POLE: variants seen among roughly 807,000 people sequenced by gnomAD.
POLE encodes DNA polymerase epsilon catalytic subunit A.
POLE carries 188 observed loss-of-function variants against 279.2 expected under a neutral mutation model. That is an observed-to-expected ratio of 0.67 (90% confidence interval 0.60 to 0.76). The LOEUF is 0.76. POLE is among the 30% of genes least tolerant of loss of function. The pLI is 0.00. For missense variants in POLE, 2,703 were observed against 3,016.7 expected, an observed-to-expected ratio of 0.90 and a Z score of 2.44; for synonymous variants, 1,214 against 1,172.5, an observed-to-expected ratio of 1.04 and a Z score of -0.72.
Position 132,643,228 on chromosome 12 carries a change from T to C in POLE, c.4547A>G (p.Asp1516Gly), listed in dbSNP as rs1392919520. 3.1e-6 allele frequency: 5 copies of C among 1,613,168 alleles called. No homozygotes were observed. In the East Asian group the frequency reaches 1.1e-4, roughly 36 times the overall value. The change falls in exon 35 of 49, where the codon GAC becomes GGC. Residue 1516 changes from aspartate to glycine, a missense_variant. Transcript: ENST00000320574. ...CATGGAGGGCCCAGGACTCACAGTG[T>C]CCAGCACAAAGACGGATGCCCTGCG... ...SQRRASVFVL[D>G]TVRSNQMPSL...
rs1057523897 is a variant in POLE at position 132,642,313 on chromosome 12, G to A, written c.5037C>T (p.Arg1679=). ...SDLFFARHLQ[R]HNHLLWLSPT... is the part of the protein sequence containing the mutation. ...GGGACAGCCAGAGCAGGTGGTTGTG[G>A]CGCTGGAGGTGGCGGGCAAAGAAGA... Residue 1679 remains arginine (R), a synonymous_variant, in exon 38 of 49, where the codon CGC becomes CGT. Coordinates refer to ENST00000320574, the MANE Select transcript of POLE (RefSeq NM_006231.4). 2 of 1,600,688 alleles carry A rather than the reference G, an allele frequency of 1.2e-6. No homozygotes were observed. Among genetic ancestry groups the A allele is most frequent in the Admixed American group, 1.7e-5 (1 of 57,782 alleles).
In POLE at chr12:132,664,120, T is replaced by C. The variant is rs753146351; in HGVS notation, c.2590A>G (p.Ile864Val). ...AAGCTGTTGGGCAGGACGCACCATA[T>C]ACCATCTGTGTCCAGCTCTAAGGGC... is the stretch of plus-strand genomic sequence containing the variant. ...GRPLELDTDGIWCVLPNSFPE... is the reference protein window; with the variant it reads ...GRPLELDTDGVWCVLPNSFPE... The change falls in exon 23 of 49, where the codon ATA (isoleucine) becomes GTA (valine). Residue 864 changes from isoleucine to valine, a missense_variant. Coordinates refer to ENST00000320574, the MANE Select transcript of POLE (RefSeq NM_006231.4). This position sits in a 1 kb window ranked among gnomAD's most constrained non-coding sequence, Gnocchi z 5.3. 1 of 1,614,224 alleles carries C rather than the reference T, an allele frequency of 6.2e-7. No individual in the cohort carries two copies. The highest frequency in any genetic ancestry group is 8.5e-7 in the Non-Finnish European group (1 of 1,180,034).
chr12:132,627,855 T>C (rs2041866237), intron 45 of POLE, among the ~76,000 whole-genome samples: 1 of 152,156 alleles, frequency 6.6e-6, no homozygotes. Flanking sequence ...ACAATGAAGT[T>C]TGCTGCATCA....
intron 35 of POLE, 25 bp from the exon 36 acceptor site, chr12:132,643,021 C>G (rs1486483560): frequency 2.2e-5 from 34 of 1,568,164 alleles, no homozygotes; most frequent in Non-Finnish European, 2.5e-5. Context: ...GCCACGTCAG[C>G]CTCCCCCTGC....
In POLE at chr12:132,687,267, CATCCGCGCCTGG is replaced by C; in HGVS notation, c.37_48del (p.Pro13_Asp16del). 6.7e-7 allele frequency: 1 copy of C among 1,501,536 alleles called. No homozygotes were observed. The highest frequency in any genetic ancestry group is 2.1e-5 in the Admixed American group (1 of 48,016). The allele number at this position is 1,501,536 out of a possible 1,614,324, so 93.0% of individuals were successfully genotyped here. ...GGCGCCCCTCACCTGCTGGCCTCGC[CATCCGCGCCTGG>C]GTCCGCGCGCCGCCGCCCGCCGCTC... On this transcript the variant is annotated inframe_deletion, in exon 1 of 49. Coordinates refer to ENST00000320574, the MANE Select transcript of POLE (RefSeq NM_006231.4).
rs2135995568 is a variant in POLE, at chr12:132,673,159, C to T, written c.1473+5G>A. 1 of 1,578,856 alleles carries T rather than the reference C, an allele frequency of 6.3e-7. No individual in the cohort carries two copies. Among genetic ancestry groups the T allele is most frequent in the Non-Finnish European group, 8.7e-7 (1 of 1,147,832 alleles). ...CAGGGTGCCGACAGGACAGATAATG[C>T]TCACCTCGTCGGGCTCCATGGGAAT... On this transcript the variant is annotated splice_donor_5th_base_variant and intron_variant, in intron 14 of 48. Transcript: ENST00000320574.
At chr12:132,667,989 GGGA>G (rs2135972837) in intron 19 of POLE, among the ~76,000 whole-genome samples, 1 of 152,214 alleles carries the variant, frequency 6.6e-6, no homozygotes, top group South Asian at 2.1e-4. Flanking sequence ...AGGCTGAGAT[GGGA>G]GGATTGCCGG....
chr12:132,638,060 G>T lies in POLE; in HGVS notation c.5632C>A (p.Arg1878Ser), dbSNP rs199979862. Residue 1878 changes from arginine to serine, a missense_variant, in exon 41 of 49, where the codon CGC (arginine) becomes AGC (serine). By Grantham distance (110) the Arg-to-Ser change is moderately radical. Around this residue, in one of 5 missense-constraint regions of POLE, gnomAD observed 1,551 missense variants for 1,686.1 expected, o/e 0.92. Transcript: ENST00000320574. The part of the protein sequence containing the change: ...FNRIILCTKK[R>S]RVEDAIAYVE... ...TAAGCGATGGCATCTTCCACACGGC[G>T]CTTCTTTGTACAGAGGATGATGCGG... 1 of 1,613,946 alleles carries T rather than the reference G, an allele frequency of 6.2e-7. No homozygotes were observed. The highest frequency in any genetic ancestry group is 8.5e-7 in the Non-Finnish European group (1 of 1,179,950).
chr12:132,658,152 G>A (rs988919494), intron 26 of POLE, 182 bp from the exon 27 acceptor site: 64 of 519,924 alleles, frequency 1.2e-4, no homozygotes, highest in African/African-American at 2.4e-4. Flanking sequence ...GGAGTAACAC[G>A]TGCGTATGTG....
chr12:132,673,785 G>T, intron 12 of POLE, 78 bp from the exon 13 acceptor site: 1 of 1,553,534 alleles, frequency 6.4e-7, no homozygotes, highest in East Asian at 2.2e-5. Context: ...GCAAAACTGG[G>T]CACCACACAG....
intron 29 of POLE, among the ~76,000 whole-genome samples, chr12:132,656,618 A>G (rs2138652575): frequency 6.6e-6 from 1 of 152,334 alleles, no homozygotes; most frequent in South Asian, 2.1e-4. Context: ...TAGGCCTCCC[A>G]AAGTGCTGGG....
chr12:132,632,088 A>T (rs2041944061), intron 45 of POLE, among the ~76,000 whole-genome samples: 1 of 151,832 alleles, frequency 6.6e-6, no homozygotes, highest in Non-Finnish European at 1.5e-5. Flanking sequence ...ACACGCTGGC[A>T]CCCTGACCCT....
In POLE at chr12:132,664,387, C is replaced by G. The variant is rs374905660; in HGVS notation, c.2544G>C (p.Glu848Asp). The change falls in exon 22 of 49, where the codon GAG (glutamate) becomes GAC (aspartate). Residue 848 changes from glutamate to aspartate, a missense_variant. This residue lies in a region of POLE where 21 missense variants were observed against 51.9 expected (regional missense o/e 0.40). Coordinates refer to ENST00000320574, the MANE Select transcript of POLE (RefSeq NM_006231.4). The surrounding 1 kb of genome is among the most constrained non-coding windows in gnomAD (Gnocchi z 5.3). ...TGANIITQAR[E>D]LIEQIGRPLE... The stretch of plus-strand genomic sequence containing the variant: ...GCACTCACCCAATCTGCTCGATCAG[C>G]TCCCGTGCCTGGGTGATGATGTTGG... 3.1e-6 allele frequency: 5 copies of G among 1,613,980 alleles called. No homozygotes were observed. Among genetic ancestry groups the G allele is most frequent in the Non-Finnish European group, 4.2e-6 (5 of 1,179,962 alleles).
At position 132,626,206 on chromosome 12, in the gene POLE, A is replaced by G. The variant is rs2041835652; in HGVS notation, c.6442T>C (p.Cys2148Arg). 2 of 1,613,826 alleles carry G rather than the reference A, an allele frequency of 1.2e-6. No individual in the cohort carries two copies. The highest frequency in any genetic ancestry group is 1.7e-6 in the Non-Finnish European group (2 of 1,179,982). The change falls in exon 46 of 49, where the codon TGC (cysteine) becomes CGC (arginine). Residue 2148 changes from cysteine to arginine, a missense_variant. By Grantham distance (180) the Cys-to-Arg change is radical. This residue lies in a region of POLE where 1,551 missense variants were observed against 1,686.1 expected (regional missense o/e 0.92). Transcript: ENST00000320574. ...ACCTCAGGAAGCACGTAGGAGCGGC[A>G]GGGGTCTCGGAACTGGGCCTCCTCG... ...FSEEAQFRDP[C>R]RSYVLPEVIC...
intron 39 of POLE, chr12:132,641,013 C>T (rs913549851): frequency 2.4e-5 from 11 of 456,612 alleles, no homozygotes; most frequent in Non-Finnish European, 4.4e-5. Flanking sequence ...TTTTTGAGCA[C>T]CTACCCTTCC....
Position 132,658,076 on chromosome 12 carries a change from T to C in POLE, c.3276-106A>G, listed in dbSNP as rs56281477. On this transcript the variant is annotated intron_variant, in intron 26 of 48. Coordinates refer to ENST00000320574, the MANE Select transcript of POLE (RefSeq NM_006231.4). Reference sequence around the variant, plus strand: ...TGGAAATAAGGACGTGTAACAGCTGTTCACAAACATCAATGTATACATCTG... The same window carrying C: ...TGGAAATAAGGACGTGTAACAGCTGCTCACAAACATCAATGTATACATCTG... 581 of 743,668 alleles carry C rather than the reference T, an allele frequency of 7.8e-4. 1 individual carries two copies. In the African/African-American group the frequency reaches 8.5e-3, roughly 11 times the overall value. 46.1% of individuals were successfully genotyped at this position (743,668 alleles called of 1,614,324 possible).
intron 45 of POLE, among the ~76,000 whole-genome samples, chr12:132,629,634 C>T (rs1190325695): frequency 1.3e-5 from 2 of 152,202 alleles, no homozygotes; most frequent in Non-Finnish European, 2.9e-5. Context: ...AGAGTGAGAG[C>T]CTTGCTCTGG....
chr12:132,640,246 C>G (rs2042115613), intron 39 of POLE, among the ~76,000 whole-genome samples: 1 of 152,240 alleles, frequency 6.6e-6, no homozygotes, highest in Non-Finnish European at 1.5e-5. Context: ...CTACTCACGG[C>G]ACCCTCCCTG....
intron 38 of POLE, 25 bp downstream of exon 38, chr12:132,642,152 G>T: frequency 6.7e-7 from 1 of 1,503,394 alleles, no homozygotes. Flanking sequence ...CAGGTCTCAT[G>T]GGCCTCGTCC....
Sources: gnomAD v4.1 joint callset for allele counts (sites outside exome capture counted in the v4.1 genomes callset) on GRCh38, gnomAD v4.1.1 for gene constraint, gnomAD v4.1.1 regional missense constraint, Gnocchi (gnomAD v3.1) non-coding constraint, MANE v1.5 for transcripts, NCBI Gene and HGNC (gene_info 2026-07-23, HGNC 2026-07-21) for gene names.